RAB7A: variants seen among roughly 807,000 people sequenced by gnomAD.
RAB7A encodes the protein RAB7A, member RAS oncogene family, also known as ras-related protein Rab-7a.
In RAB7A, 2 loss-of-function variants were observed where a neutral mutation model predicts 24.5. The ratio of observed to expected loss-of-function variants is 0.08; its 90% confidence interval spans 0.03 to 0.26. The LOEUF (loss-of-function observed/expected upper bound fraction) is 0.26. Among genes scored for constraint, RAB7A ranks in the 10% least tolerant of loss-of-function variants. The probability of loss-of-function intolerance (pLI) is 1.00; values close to 1 mark genes in which losing one functional copy is unlikely to be tolerated. For synonymous variants in RAB7A, 100 were observed against 95.9 expected (o/e 1.04, Z -0.25); for missense variants, 118 against 255.7 (o/e 0.46, Z 3.67).
intron 1 of RAB7A, among the ~76,000 whole-genome samples, chr3:128,756,276 C>T (rs1007460165): frequency 9.2e-5 from 14 of 151,552 alleles, no homozygotes; most frequent in East Asian, 1.9e-4. Flanking sequence ...GCAGGAGAAT[C>T]GCTTGAACCC....
intron 1 of RAB7A, among the ~76,000 whole-genome samples, chr3:128,732,003 C>CA (rs1196407694): frequency 2.3e-3 from 249 of 107,640 alleles, no homozygotes; most frequent in South Asian, 7.8e-3. Flanking sequence ...GATTCCATCT[C>CA]AAAAAAAAAA....
chr3:128,749,217 C>T (rs1009664372), intron 1 of RAB7A: 1 of 152,316 alleles, frequency 6.6e-6, no homozygotes, highest in African/African-American at 2.4e-5. Context: ...AGGATGTAGT[C>T]AAATAGCTCT....
intron 3 of RAB7A, among the ~76,000 whole-genome samples, chr3:128,799,973 C>T (rs142360594): frequency 6.6e-6 from 1 of 151,958 alleles, no homozygotes; most frequent in East Asian, 1.9e-4. Flanking sequence ...AAATAGAAAC[C>T]ATAATGGAAA....
At chr3:128,736,998 C>T (rs908149867) in intron 1 of RAB7A, among the ~76,000 whole-genome samples, 2 of 151,986 alleles carry the variant, frequency 1.3e-5, no homozygotes, top group South Asian at 4.2e-4. Flanking sequence ...CTGTGTTGCC[C>T]GTCTTTACTC....
chr3:128,782,971 T>C (rs1207864359), intron 1 of RAB7A, among the ~76,000 whole-genome samples: 2 of 152,170 alleles, frequency 1.3e-5, no homozygotes, highest in African/African-American at 2.4e-5. Flanking sequence ...TGTCTTGTGC[T>C]AAGCATCTGC....
intron 1 of RAB7A, among the ~76,000 whole-genome samples, chr3:128,764,150 G>A (rs899470902): frequency 4.6e-5 from 7 of 152,064 alleles, no homozygotes; most frequent in Non-Finnish European, 1.0e-4. Context: ...TAGCGGGGCT[G>A]GAAATGAGCT....
rs1933581887 is a variant in RAB7A, at chr3:128,796,566, G to A, written c.53+1146G>A. On this transcript the variant is annotated intron_variant, in intron 2 of 5. Coordinates refer to ENST00000265062, the MANE Select transcript of RAB7A (RefSeq NM_004637.6). ...TTTAAAAATAACAACAATAGCAAAT[G>A]CAGGTATGCTTCTTTATTCCAAAGT... Among the ~76,000 whole-genome samples, 5 of 152,204 alleles carry A rather than the reference G, an allele frequency of 3.3e-5. No homozygotes were observed. In the South Asian group the frequency reaches 1.0e-3, roughly 32 times the overall value.
intron 3 of RAB7A, among the ~76,000 whole-genome samples, chr3:128,805,860 C>T (rs1933791927): frequency 6.6e-6 from 1 of 152,170 alleles, no homozygotes; most frequent in Admixed American, 6.5e-5. Context: ...CCATGTTGGT[C>T]AGGCTGGTCT....
At chr3:128,774,395 A>G (rs1162778465) in intron 1 of RAB7A, among the ~76,000 whole-genome samples, 1 of 151,600 alleles carries the variant, frequency 6.6e-6, no homozygotes, top group African/African-American at 2.4e-5. Context: ...GGGTGGCAAA[A>G]AAGTTCACCT....
Position 128,807,638 on chromosome 3 carries a change from G to T in RAB7A, c.495G>T (p.Ala165=). Reference sequence around the variant, plus strand: ...AGGAGGCCATCAACGTGGAGCAGGCGTTCCAGACGATTGCACGGAATGCAC... The same window carrying T: ...AGGAGGCCATCAACGTGGAGCAGGCTTTCCAGACGATTGCACGGAATGCAC... ...SAKEAINVEQ[A]FQTIARNALK... The change falls in exon 5 of 6, where the codon GCG becomes GCT. Residue 165 remains alanine, a synonymous_variant. Transcript: ENST00000265062. 6.2e-7 allele frequency: 1 copy of T among 1,614,216 alleles called. No individual in the cohort carries two copies. Among genetic ancestry groups the T allele is most frequent in the Non-Finnish European group, 8.5e-7 (1 of 1,180,042 alleles).
At chr3:128,774,822 T>G (rs1174445604) in intron 1 of RAB7A, among the ~76,000 whole-genome samples, 1 of 152,252 alleles carries the variant, frequency 6.6e-6, no homozygotes, top group Non-Finnish European at 1.5e-5. Context: ...TCCGCCCACC[T>G]CGGCCTCCCA....
chr3:128,755,770 A>T (rs923128660), intron 1 of RAB7A, among the ~76,000 whole-genome samples: 1 of 152,084 alleles, frequency 6.6e-6, no homozygotes, highest in South Asian at 2.1e-4. Context: ...AATGGTAATG[A>T]TTTTTTTTAA....
chr3:128,742,858 G>A lies in RAB7A; in HGVS notation c.-9+16499G>A, dbSNP rs557379207. Among the ~76,000 whole-genome samples the A allele has an allele frequency of 1.7e-3, 259 of 152,366 alleles. 1 individual carries two copies. The highest frequency in any genetic ancestry group is 1.9e-3 in the Non-Finnish European group (131 of 68,032). ...CCCACTCGACTCAGGAGCCCAGCTGGCTTCGCCTAGCGGATCCCGTGCCAG... is the reference window on the plus strand; with the variant it reads ...CCCACTCGACTCAGGAGCCCAGCTGACTTCGCCTAGCGGATCCCGTGCCAG... On this transcript the variant is annotated intron_variant, in intron 1 of 5. Coordinates refer to ENST00000265062, the MANE Select transcript of RAB7A (RefSeq NM_004637.6).
chr3:128,733,120 A>G lies in RAB7A; in HGVS notation c.-9+6761A>G, dbSNP rs370563076. ...TTTCTGTATTTTAGTAAACATACAT[A>G]TATACAGAAAAGTGCACAAATAAGT... On this transcript the variant is annotated intron_variant, in intron 1 of 5. Transcript: ENST00000265062. Among the ~76,000 whole-genome samples, 27 of 152,348 alleles carry G rather than the reference A, an allele frequency of 1.8e-4. No homozygotes were observed. The East Asian group carries it at 2.7e-3, about 15-fold the overall frequency.
chr3:128,807,760 C>T, intron 5 of RAB7A, 89 bp downstream of exon 5: 2 of 1,570,414 alleles, frequency 1.3e-6, no homozygotes, highest in Admixed American at 3.3e-5. Flanking sequence ...AATCTTCTTC[C>T]CTAACCCACT....
chr3:128,760,370 G>T (rs1220334581), intron 1 of RAB7A, among the ~76,000 whole-genome samples: 1 of 152,162 alleles, frequency 6.6e-6, no homozygotes, highest in Non-Finnish European at 1.5e-5. Flanking sequence ...CCAATTCCTT[G>T]TAATAACTGT....
intron 5 of RAB7A, among the ~76,000 whole-genome samples, chr3:128,810,098 G>A (rs1933894013): frequency 6.6e-6 from 1 of 151,128 alleles, no homozygotes; most frequent in African/African-American, 2.4e-5. Context: ...ACAGGCATCC[G>A]CCACCATGCC....
intron 1 of RAB7A, among the ~76,000 whole-genome samples, chr3:128,777,456 T>G (rs1337375484): frequency 6.6e-6 from 1 of 152,050 alleles, no homozygotes; most frequent in Non-Finnish European, 1.5e-5. Context: ...CGCAATGTAT[T>G]GGGATTACAG....
At chr3:128,750,720 A>G (rs896512683) in intron 1 of RAB7A, among the ~76,000 whole-genome samples, 3 of 152,274 alleles carry the variant, frequency 2.0e-5, no homozygotes, top group Admixed American at 6.5e-5. Context: ...GAGAAATTCA[A>G]GCCCTTACAG....
Sources: gnomAD v4.1 joint callset for allele counts (sites outside exome capture counted in the v4.1 genomes callset) on GRCh38, gnomAD v4.1.1 for gene constraint, MANE v1.5 for transcripts, NCBI Gene and HGNC (gene_info 2026-07-23, HGNC 2026-07-21) for gene names.